FGF23: variants seen among roughly 807,000 people sequenced by gnomAD.
FGF23 encodes phosphatonin.
FGF23 carries 8 observed loss-of-function variants against 9.0 expected under a neutral mutation model. The ratio of observed to expected loss-of-function variants is 0.89; its 90% CI spans 0.52 to 1.60. FGF23 has a LOEUF of 1.60. Among genes scored for constraint, FGF23 ranks in the 40% most tolerant of loss-of-function variants. FGF23 has a pLI of 0.00. For synonymous variants in FGF23, 118 were observed against 146.2 expected (o/e 0.81, Z 1.39); for missense variants, 311 against 344.3 (o/e 0.90, Z 0.77).
At chr12:4,376,650 T>C (rs975584246) in intron 1 of FGF23, among the ~76,000 whole-genome samples, 1 of 152,100 alleles carries the variant, frequency 6.6e-6, no homozygotes, top group Non-Finnish European at 1.5e-5. Flanking sequence ...GCCTCCCAAG[T>C]AGCTGTGACT....
At chr12:4,377,773 A>T (rs1218220508) in intron 1 of FGF23, among the ~76,000 whole-genome samples, 1 of 152,176 alleles carries the variant, frequency 6.6e-6, no homozygotes, top group African/African-American at 2.4e-5. Context: ...CCTCCATGAG[A>T]CATGCAAAAT....
Position 4,370,312 on chromosome 12 carries a change from A to C in FGF23, c.*31T>G. ...TGGGAAGAGCTGCGTTTGCTGAGGG[A>C]TGGGTTAAAGAGGGTGCCCTTCCAG... On this transcript the variant is annotated 3_prime_UTR_variant, in exon 3 of 3. Transcript: ENST00000237837. 1 of 1,600,946 alleles carries C rather than the reference A, an allele frequency of 6.2e-7. No individual in the cohort carries two copies. The highest frequency in any genetic ancestry group is 8.5e-7 in the Non-Finnish European group (1 of 1,171,044).
intron 1 of FGF23, among the ~76,000 whole-genome samples, chr12:4,378,789 A>T (rs1865146379): frequency 6.6e-6 from 1 of 151,984 alleles, no homozygotes; most frequent in South Asian, 2.1e-4. Context: ...TGGACAAATG[A>T]ATGGGTGGAT....
chr12:4,370,950 T>C (rs927848868), intron 2 of FGF23, among the ~76,000 whole-genome samples, 167 bp from the exon 3 acceptor site: 10 of 152,156 alleles, frequency 6.6e-5, no homozygotes, highest in Non-Finnish European at 1.3e-4. Flanking sequence ...TGGTTTTGAT[T>C]AATGCTCAAG....
rs550185111 is a variant in FGF23 at position 4,375,830 on chromosome 12, G to A, written c.212-3133C>T. ...AGATAATGTTTTTATCCTTTAGAAAGCACTTCCTAAGTGCTAGTAATTTTT... is the reference window on the plus strand; with the variant it reads ...AGATAATGTTTTTATCCTTTAGAAAACACTTCCTAAGTGCTAGTAATTTTT... On this transcript the variant is annotated intron_variant, in intron 1 of 2. Coordinates refer to ENST00000237837, the MANE Select transcript of FGF23 (RefSeq NM_020638.3). 4.6e-5 allele frequency among the ~76,000 whole-genome samples: 7 copies of A among 152,288 alleles called. No homozygotes were observed. In the East Asian group the frequency reaches 9.6e-4, roughly 21 times the overall value.
At chr12:4,377,412 C>T (rs893347544) in intron 1 of FGF23, among the ~76,000 whole-genome samples, 29 of 142,860 alleles carry the variant, frequency 2.0e-4, no homozygotes, top group African/African-American at 7.3e-4. Flanking sequence ...CATTTTAAAT[C>T]ACATATAGTC....
Position 4,370,251 on chromosome 12 carries a change from C to T in FGF23, c.*92G>A. 1 of 1,312,364 alleles carries T rather than the reference C, an allele frequency of 7.6e-7. No individual in the cohort carries two copies. The highest frequency in any genetic ancestry group is 1.2e-5 in the South Asian group (1 of 84,456). 81.3% of individuals were successfully genotyped at this position (1,312,364 alleles called of 1,614,324 possible). On this transcript the variant is annotated 3_prime_UTR_variant, in exon 3 of 3. Coordinates refer to ENST00000237837, the MANE Select transcript of FGF23 (RefSeq NM_020638.3). Reference sequence around the variant, plus strand: ...CAAATTCCATACATGCCCCTGTCACCTTTCCCATCCTCGGAACGTCAAGGG... The same window carrying T: ...CAAATTCCATACATGCCCCTGTCACTTTTCCCATCCTCGGAACGTCAAGGG...
At chr12:4,371,509 G>T (rs1865063497) in intron 2 of FGF23, among the ~76,000 whole-genome samples, 1 of 152,172 alleles carries the variant, frequency 6.6e-6, no homozygotes, top group African/African-American at 2.4e-5. Context: ...CTGTTCTTGT[G>T]GAGTTTCTAG....
rs763245424 is a variant in FGF23 at position 4,370,311 on chromosome 12, G to C, written c.*32C>G. 6.3e-7 allele frequency: 1 copy of C among 1,599,630 alleles called. No individual in the cohort carries two copies. The highest frequency in any genetic ancestry group is 2.2e-5 in the East Asian group (1 of 44,768). On this transcript the variant is annotated 3_prime_UTR_variant, in exon 3 of 3. Transcript: ENST00000237837. ...TTGGGAAGAGCTGCGTTTGCTGAGG[G>C]ATGGGTTAAAGAGGGTGCCCTTCCA...
Position 4,379,578 on chromosome 12 carries a change from A to G in FGF23, c.5T>C (p.Leu2Ser). Residue 2 changes from leucine (L) to serine (S), a missense_variant, in exon 1 of 3, where the codon TTG (leucine) becomes TCG (serine). By Grantham distance (145) the Leu-to-Ser change is moderately radical. Around this residue, in one of 3 missense-constraint regions of FGF23, gnomAD observed 102 missense variants for 108.2 expected, o/e 0.94. Coordinates refer to ENST00000237837, the MANE Select transcript of FGF23 (RefSeq NM_020638.3). ...GACCCAGAGCCTGAGGCGGGCCCCC[A>G]ACATCGTGCCCTGCTCTGAGTGGCT... is the stretch of plus-strand genomic sequence containing the variant. M[L>S]GARLRLWVCA... The G allele has an allele frequency of 6.3e-7, 1 of 1,599,116 alleles. No individual in the cohort carries two copies.
intron 1 of FGF23, among the ~76,000 whole-genome samples, chr12:4,373,166 T>C (rs1865081416): frequency 6.6e-6 from 1 of 152,202 alleles, no homozygotes; most frequent in Non-Finnish European, 1.5e-5. Context: ...TGTGTAATTG[T>C]CTAATACATC....
intron 1 of FGF23, among the ~76,000 whole-genome samples, chr12:4,376,906 C>T (rs1332074785): frequency 2.0e-5 from 3 of 151,936 alleles, no homozygotes; most frequent in African/African-American, 7.3e-5. Flanking sequence ...TTGAACAGTA[C>T]AAAAAGTTAT....
At chr12:4,377,422 CTTT>C (rs11397562) in intron 1 of FGF23, among the ~76,000 whole-genome samples, 326 of 69,434 alleles carry the variant, frequency 4.7e-3, no homozygotes, top group African/African-American at 0.018. Context: ...CACATATAGT[CTTT>C]TTTTTTTTTT....
chr12:4,375,823 T>C (rs903029062), intron 1 of FGF23, among the ~76,000 whole-genome samples: 4 of 152,202 alleles, frequency 2.6e-5, no homozygotes, highest in African/African-American at 9.7e-5. Context: ...TTTTTATCCT[T>C]TAGAAAGCAC....
chr12:4,370,907 G>A, intron 2 of FGF23, 124 bp from the exon 3 acceptor site: 1 of 816,296 alleles, frequency 1.2e-6, no homozygotes, highest in East Asian at 2.5e-5. Flanking sequence ...AGGGCGTTGA[G>A]CCTTCACCCC....
At position 4,369,794 on chromosome 12, in the gene FGF23, G is replaced by T. The variant is rs1159278467; in HGVS notation, c.*549C>A. 4.3e-6 allele frequency: 1 copy of T among 230,066 alleles called. No homozygotes were observed. The highest frequency in any genetic ancestry group is 5.7e-5 in the Admixed American group (1 of 17,664). The allele number at this position is 230,066 out of a possible 1,614,324, so 14.3% of individuals were successfully genotyped here. ...GATGCTCAAGGAAGAACGAAGGCTTGAAAGTAGTGTTTTCATCAACTTGCC... is the reference window on the plus strand; with the variant it reads ...GATGCTCAAGGAAGAACGAAGGCTTTAAAGTAGTGTTTTCATCAACTTGCC... On this transcript the variant is annotated 3_prime_UTR_variant, in exon 3 of 3. Transcript: ENST00000237837.
At chr12:4,379,271 G>C (rs866717053) in intron 1 of FGF23, 101 bp downstream of exon 1, 3 of 982,728 alleles carry the variant, frequency 3.1e-6, no homozygotes, top group Middle Eastern at 4.1e-4. Context: ...AAAGCTAGGA[G>C]GGTTGGATTA....
Position 4,370,264 on chromosome 12 carries a change from G to A in FGF23, c.*79C>T, listed in dbSNP as rs1382498683. The A allele has an allele frequency of 4.3e-6, 6 of 1,398,808 alleles. No homozygotes were observed. Among genetic ancestry groups the A allele is most frequent in the South Asian group, 2.3e-5 (2 of 86,802 alleles). 86.6% of individuals were successfully genotyped at this position (1,398,808 alleles called of 1,614,324 possible). A position where few individuals can be genotyped will look rare whatever the true frequency, so the allele number is the denominator to read the frequency against. On this transcript the variant is annotated 3_prime_UTR_variant, in exon 3 of 3. Coordinates refer to ENST00000237837, the MANE Select transcript of FGF23 (RefSeq NM_020638.3). ...TGCCCCTGTCACCTTTCCCATCCTC[G>A]GAACGTCAAGGGACCTGGTCCTTGG... is the stretch of plus-strand genomic sequence containing the variant.
intron 2 of FGF23, among the ~76,000 whole-genome samples, chr12:4,372,041 T>C (rs1054248004): frequency 2.6e-5 from 4 of 151,088 alleles, no homozygotes; most frequent in Non-Finnish European, 4.4e-5. Flanking sequence ...ATGGATGAAA[T>C]TGGAAACCAT....
Sources: allele counts gnomAD v4.1 joint callset (sites outside exome capture counted in the v4.1 genomes callset), GRCh38; gene constraint gnomAD v4.1.1; regional missense constraint gnomAD v4.1.1; transcripts MANE v1.5; gene names NCBI Gene and HGNC (gene_info 2026-07-23, HGNC 2026-07-21).